GABBR2: variants seen among roughly 807,000 people sequenced by gnomAD.
The protein encoded by GABBR2 is gamma-aminobutyric acid type B receptor subunit 2.
In GABBR2, 23 loss-of-function variants were observed where a neutral mutation model predicts 105.6. The ratio of observed to expected loss-of-function variants is 0.22; its 90% confidence interval spans 0.16 to 0.31. The LOEUF is 0.31. GABBR2 is among the 10% of genes least tolerant of loss of function. The pLI is 1.00. For synonymous variants in GABBR2, 478 were observed against 499.7 expected, an observed-to-expected ratio of 0.96 and a Z score of 0.58; for missense variants, 734 against 1,245.5, an observed-to-expected ratio of 0.59 and a Z score of 6.18.
intron 3 of GABBR2, among the ~76,000 whole-genome samples, chr9:98,513,914 C>G (rs934864204): frequency 1.3e-5 from 2 of 152,172 alleles, no homozygotes; most frequent in African/African-American, 4.8e-5. Flanking sequence ...TGGGTATATA[C>G]CCACAGGACT....
intron 1 of GABBR2, among the ~76,000 whole-genome samples, chr9:98,642,204 C>T (rs1226788305): frequency 1.3e-5 from 2 of 152,196 alleles, no homozygotes; most frequent in African/African-American, 4.8e-5. Context: ...TAACGGCCTC[C>T]CCCTCCTCCC....
chr9:98,601,982 C>T (rs887673357), intron 1 of GABBR2, among the ~76,000 whole-genome samples: 1 of 152,154 alleles, frequency 6.6e-6, no homozygotes, highest in African/African-American at 2.4e-5. Context: ...AAAGATTTTA[C>T]TTGAACGGCT....
chr9:98,697,521 G>A (rs1205799336), intron 1 of GABBR2, among the ~76,000 whole-genome samples: 1 of 150,694 alleles, frequency 6.6e-6, no homozygotes, highest in East Asian at 1.9e-4. Context: ...GGACTTCATA[G>A]GACTGTAGTG....
At chr9:98,462,149 C>T (rs1373148869) in intron 6 of GABBR2, among the ~76,000 whole-genome samples, 1 of 152,232 alleles carries the variant, frequency 6.6e-6, no homozygotes, top group Non-Finnish European at 1.5e-5. Context: ...TCTCTTTCCT[C>T]CCTTTCCAGG....
At chr9:98,360,922 G>A (rs184838110) in intron 13 of GABBR2, among the ~76,000 whole-genome samples, 65 of 152,238 alleles carry the variant, frequency 4.3e-4, no homozygotes, top group African/African-American at 1.6e-3. Flanking sequence ...CCACTGTTGG[G>A]CTCCACACTG....
rs764677354 is a variant in GABBR2 at position 98,552,327 on chromosome 9, C to G, written c.460-10284G>C. Among the ~76,000 whole-genome samples the G allele has an allele frequency of 1.7e-3, 265 of 152,122 alleles. 3 individuals are homozygous for G. Among genetic ancestry groups the G allele is most frequent in the Admixed American group, 7.2e-4 (11 of 15,274 alleles). On this transcript the variant is annotated intron_variant, in intron 2 of 18. Transcript: ENST00000259455. ...TTTCTCTGTTGGTTTAATCTTTTTC[C>G]ACGACTTTGCTGACTGTTTCTGTAA...
chr9:98,520,881 C>T (rs1347730084), intron 3 of GABBR2, among the ~76,000 whole-genome samples: 3 of 151,996 alleles, frequency 2.0e-5, no homozygotes, highest in Admixed American at 6.5e-5. Flanking sequence ...TCCATCTGAT[C>T]GAGAGGATGC....
At chr9:98,357,459 A>C (rs930897934) in intron 13 of GABBR2, among the ~76,000 whole-genome samples, 1 of 152,142 alleles carries the variant, frequency 6.6e-6, no homozygotes, top group Non-Finnish European at 1.5e-5. Flanking sequence ...ACCAGTCTAG[A>C]CAACATGAGG....
chr9:98,692,551 C>T (rs940250240), intron 1 of GABBR2, among the ~76,000 whole-genome samples: 1 of 152,204 alleles, frequency 6.6e-6, no homozygotes, highest in Admixed American at 6.5e-5. Flanking sequence ...AGGTGACTCC[C>T]GGGAGTCTGG....
At chr9:98,667,168 G>T (rs995744489) in intron 1 of GABBR2, among the ~76,000 whole-genome samples, 3 of 152,166 alleles carry the variant, frequency 2.0e-5, no homozygotes, top group Admixed American at 2.0e-4. Context: ...GAGAGCAAAG[G>T]AGAGATGATG....
At chr9:98,585,264 G>A (rs1829052687) in intron 1 of GABBR2, among the ~76,000 whole-genome samples, 3 of 151,886 alleles carry the variant, frequency 2.0e-5, no homozygotes, top group Admixed American at 2.0e-4. Flanking sequence ...ACGATAGACT[G>A]GATTAAGAAA....
At chr9:98,369,997 G>A (rs958397108) in intron 12 of GABBR2, among the ~76,000 whole-genome samples, 1 of 152,102 alleles carries the variant, frequency 6.6e-6, no homozygotes, top group Non-Finnish European at 1.5e-5. Flanking sequence ...CAGCCTGGGG[G>A]ACCCTGTGGA....
chr9:98,343,695 C>G (rs4743209), intron 13 of GABBR2, among the ~76,000 whole-genome samples: 40,004 of 151,672 alleles, frequency 0.26, 6,101 homozygotes, highest in African/African-American at 0.42. Flanking sequence ...CCTTGTCTAC[C>G]AAAAATACAA....
intron 7 of GABBR2, among the ~76,000 whole-genome samples, chr9:98,415,547 C>A (rs1204957302): frequency 6.6e-6 from 1 of 152,228 alleles, no homozygotes; most frequent in Non-Finnish European, 1.5e-5. Flanking sequence ...AGCGCCTTTT[C>A]ATCTCTGTGC....
At chr9:98,455,020 G>A (rs1826301556) in intron 6 of GABBR2, among the ~76,000 whole-genome samples, 1 of 152,182 alleles carries the variant, frequency 6.6e-6, no homozygotes, top group South Asian at 2.1e-4. Context: ...GCCCCGAGGG[G>A]CCTGAATGAG....
chr9:98,356,005 C>T (rs149456992), intron 13 of GABBR2, among the ~76,000 whole-genome samples: 26 of 152,202 alleles, frequency 1.7e-4, no homozygotes, highest in Admixed American at 2.6e-4. Flanking sequence ...CTGGACAACA[C>T]GCAAAAGGAG....
intron 7 of GABBR2, among the ~76,000 whole-genome samples, chr9:98,436,380 T>TACACACACACACC (rs1288172302): frequency 7.5e-5 from 4 of 53,480 alleles, no homozygotes; most frequent in East Asian, 1.6e-3. Flanking sequence ...TATATATATA[T>TACACACACACACC]ATATATATAT....
chr9:98,577,515 A>C (rs1333293834), intron 2 of GABBR2, among the ~76,000 whole-genome samples: 2 of 152,250 alleles, frequency 1.3e-5, no homozygotes, highest in Non-Finnish European at 2.9e-5. Flanking sequence ...ATGAGGAGTC[A>C]TCTGGTTAAG....
intron 3 of GABBR2, among the ~76,000 whole-genome samples, chr9:98,529,632 G>A (rs962069665): frequency 8.5e-5 from 13 of 152,098 alleles, no homozygotes; most frequent in African/African-American, 3.1e-4. Flanking sequence ...ACAATAATTA[G>A]TACTTTAAAA....
Sources: gnomAD v4.1 joint callset for allele counts (sites outside exome capture counted in the v4.1 genomes callset) on GRCh38, gnomAD v4.1.1 for gene constraint, MANE v1.5 for transcripts, NCBI Gene and HGNC (gene_info 2026-07-23, HGNC 2026-07-21) for gene names.